KCNH8: variants seen among roughly 807,000 people sequenced by gnomAD.
The protein encoded by KCNH8 is voltage-gated delayed rectifier potassium channel KCNH8.
Under a neutral mutation model 103.6 loss-of-function variants are expected in KCNH8, and 70 were observed. That is an observed-to-expected ratio of 0.68 (90% confidence interval 0.56 to 0.82). The LOEUF (loss-of-function observed/expected upper bound fraction) is 0.82, where lower values mean the gene tolerates loss of function less well. Ranked by LOEUF, KCNH8 falls within the 40% of genes least tolerant of loss-of-function variation. KCNH8 has a pLI of 0.00. For synonymous variants in KCNH8, 498 were observed against 489.4 expected (o/e 1.02, Z -0.23); for missense variants, 1,217 against 1,329.9 (o/e 0.92, Z 1.32).
chr3:19,457,111 C>T (rs1466782898), intron 11 of KCNH8, 129 bp downstream of exon 11: 2 of 568,714 alleles, frequency 3.5e-6, no homozygotes, highest in Non-Finnish European at 6.2e-6. Context: ...GAATATTCAG[C>T]CACCAGTTAA....
At chr3:19,403,381 TATATATATATATATATATAA>T (rs1441858015) in intron 7 of KCNH8, among the ~76,000 whole-genome samples, 3 of 29,490 alleles carry the variant, frequency 1.0e-4, no homozygotes, top group African/African-American at 4.8e-4. Flanking sequence ...TATATATATA[TATATATATATATATATATAA>T]AATCCTTCTG....
intron 5 of KCNH8, among the ~76,000 whole-genome samples, chr3:19,380,238 T>TA (rs1685269223): frequency 6.6e-6 from 1 of 152,174 alleles, no homozygotes; most frequent in Non-Finnish European, 1.5e-5. Flanking sequence ...TGTAAGAACC[T>TA]AAAAACAAAA....
chr3:19,451,536 A>G, intron 10 of KCNH8, 132 bp downstream of exon 10: 4 of 781,312 alleles, frequency 5.1e-6, no homozygotes, highest in Non-Finnish European at 8.2e-6. Context: ...AGTATTCCTC[A>G]TATGAGTTTA....
chr3:19,294,742 G>A (rs2064973394), intron 3 of KCNH8, among the ~76,000 whole-genome samples: 2 of 152,108 alleles, frequency 1.3e-5, no homozygotes, highest in African/African-American at 4.8e-5. Context: ...GTTGCCTTTA[G>A]AGACCACAGT....
At chr3:19,258,935 CTCTCTCTCTCTCTATATATATATATA>C (rs2064384480) in intron 2 of KCNH8, among the ~76,000 whole-genome samples, 5 of 83,446 alleles carry the variant, frequency 6.0e-5, no homozygotes, top group African/African-American at 2.4e-4. Context: ...CTCTCTCTCT[CTCTCTCTCTCTCTATATATATATATA>C]TATATATATA....
chr3:19,158,507 G>A (rs1480083210), intron 1 of KCNH8, among the ~76,000 whole-genome samples: 1 of 151,722 alleles, frequency 6.6e-6, no homozygotes, highest in East Asian at 1.9e-4. Context: ...TTAATGGACT[G>A]ATCTACAGGA....
At chr3:19,300,982 C>T (rs2065057759) in intron 3 of KCNH8, among the ~76,000 whole-genome samples, 1 of 151,552 alleles carries the variant, frequency 6.6e-6, no homozygotes, top group Non-Finnish European at 1.5e-5. Context: ...TAATATCTAA[C>T]ATGTATTGAG....
chr3:19,228,760 C>A (rs912635046), intron 1 of KCNH8, among the ~76,000 whole-genome samples: 1 of 152,158 alleles, frequency 6.6e-6, no homozygotes, highest in African/African-American at 2.4e-5. Context: ...GTAGAACATT[C>A]ACTGGAAACT....
chr3:19,368,239 T>C (rs568863438), intron 5 of KCNH8, among the ~76,000 whole-genome samples: 1 of 152,106 alleles, frequency 6.6e-6, no homozygotes, highest in East Asian at 1.9e-4. Flanking sequence ...CATACAATGA[T>C]TAGGGAAATT....
At chr3:19,452,149 C>T (rs138177531) in intron 10 of KCNH8, among the ~76,000 whole-genome samples, 179 of 152,202 alleles carry the variant, frequency 1.2e-3, no homozygotes, top group African/African-American at 4.0e-3. Flanking sequence ...CTTTTGCAGA[C>T]GAGGCAGGTG....
intron 3 of KCNH8, among the ~76,000 whole-genome samples, chr3:19,284,262 A>G (rs1358341911): frequency 6.6e-6 from 1 of 152,126 alleles, no homozygotes; most frequent in Non-Finnish European, 1.5e-5. Context: ...ATTAATACTG[A>G]GGTTCACATG....
At chr3:19,434,070 A>T (rs956321581) in intron 7 of KCNH8, among the ~76,000 whole-genome samples, 1 of 152,210 alleles carries the variant, frequency 6.6e-6, no homozygotes, top group Non-Finnish European at 1.5e-5. Flanking sequence ...TAGGTGAAAG[A>T]TGTGGGGTAC....
At chr3:19,281,026 A>G (rs1421968131) in intron 2 of KCNH8, among the ~76,000 whole-genome samples, 172 bp from the exon 3 acceptor site, 1 of 152,058 alleles carries the variant, frequency 6.6e-6, no homozygotes, top group Non-Finnish European at 1.5e-5. Context: ...ATGAAGAGAG[A>G]TGTATATAGG....
intron 1 of KCNH8, among the ~76,000 whole-genome samples, chr3:19,240,287 A>G (rs2064121399): frequency 6.6e-6 from 1 of 152,052 alleles, no homozygotes. Context: ...CTAACTCCAA[A>G]TTTCTATCTA....
Position 19,347,755 on chromosome 3 carries a change from G to A in KCNH8, c.601G>A (p.Glu201Lys). The A allele has an allele frequency of 6.2e-7, 1 of 1,613,008 alleles. No homozygotes were observed. The highest frequency in any genetic ancestry group is 8.5e-7 in the Non-Finnish European group (1 of 1,179,322). The change falls in exon 5 of 16, where the codon GAG becomes AAG. Residue 201 changes from glutamate (E) to lysine (K), a missense_variant. Transcript: ENST00000328405. ...TTTTGTAGATAAACCAGCATTTCCG[G>A]AGTATAAAGTTTCTGATGCAAAAAA... ...NVFVDKPAFP[E>K]YKVSDAKKSK...
At chr3:19,286,417 A>G (rs529632933) in intron 3 of KCNH8, among the ~76,000 whole-genome samples, 13 of 152,330 alleles carry the variant, frequency 8.5e-5, no homozygotes, top group African/African-American at 3.1e-4. Context: ...GACCATGGGA[A>G]CAGAACAGCC....
chr3:19,372,788 C>A (rs1036363538), intron 5 of KCNH8, among the ~76,000 whole-genome samples: 27 of 152,140 alleles, frequency 1.8e-4, no homozygotes, highest in Admixed American at 5.2e-4. Context: ...TATGTCCCAT[C>A]AATACCGAAT....
At chr3:19,491,692 T>C (rs1187469992) in intron 11 of KCNH8, among the ~76,000 whole-genome samples, 2 of 152,212 alleles carry the variant, frequency 1.3e-5, no homozygotes, top group East Asian at 1.9e-4. Context: ...TATTTTCCTT[T>C]GGGTATGCGC....
At chr3:19,349,964 A>C (rs1403554135) in intron 5 of KCNH8, among the ~76,000 whole-genome samples, 2 of 152,026 alleles carry the variant, frequency 1.3e-5, no homozygotes, top group African/African-American at 4.8e-5. Context: ...AAGATTTAGG[A>C]TTTGAAATTT....
Sources: allele counts gnomAD v4.1 joint callset (sites outside exome capture counted in the v4.1 genomes callset), GRCh38; gene constraint gnomAD v4.1.1; transcripts MANE v1.5; gene names NCBI Gene and HGNC (gene_info 2026-07-23, HGNC 2026-07-21).